The following PPFIA2 variants were observed in gnomAD, a reference collection of about 807,000 sequenced individuals.
The protein encoded by PPFIA2 is liprin-alpha-2.
In PPFIA2, 46 loss-of-function variants were observed where a neutral mutation model predicts 175.5. The observed-to-expected ratio is 0.26, with a 90% CI of 0.21 to 0.34. The LOEUF (loss-of-function observed/expected upper bound fraction) is 0.34, where lower values mean the gene tolerates loss of function less well. PPFIA2 is among the 10% of genes least tolerant of loss of function. The probability of loss-of-function intolerance (pLI) is 1.00; values close to 1 mark genes in which losing one functional copy is unlikely to be tolerated. For missense variants in PPFIA2, 1,179 were observed against 1,506.1 expected, an observed-to-expected ratio of 0.78 and a Z score of 3.60; for synonymous variants, 568 against 511.4, an observed-to-expected ratio of 1.11 and a Z score of -1.49.
At chr12:81,463,690 A>G (rs2146011846) in intron 4 of PPFIA2, among the ~76,000 whole-genome samples, 1 of 152,158 alleles carries the variant, frequency 6.6e-6, no homozygotes, top group Non-Finnish European at 1.5e-5. Context: ...GATGACAAGC[A>G]AAGAAGCAAG....
intron 19 of PPFIA2, among the ~76,000 whole-genome samples, chr12:81,343,468 T>C (rs933099755): frequency 2.0e-5 from 3 of 151,960 alleles, no homozygotes; most frequent in African/African-American, 7.3e-5. Flanking sequence ...CCCAGGAAAA[T>C]AAAATGGTAA....
In PPFIA2 at chr12:81,381,955, G is replaced by C. The variant is rs1471008125; in HGVS notation, c.984+2068C>G. ...TCAATAGCTGCGCAGGTTCTCTGAA[G>C]ACAGCAGTGAACAAAACAAGAAAAA... On this transcript the variant is annotated intron_variant, in intron 9 of 32. Coordinates refer to ENST00000549396, the MANE Select transcript of PPFIA2 (RefSeq NM_003625.5). Among the ~76,000 whole-genome samples, 4 of 151,988 alleles carry C rather than the reference G, an allele frequency of 2.6e-5. No individual in the cohort carries two copies. The East Asian group carries it at 7.7e-4, about 29-fold the overall frequency.
rs369840367 is a variant in PPFIA2 at position 81,559,552 on chromosome 12, T to G, written c.304-101686A>C. On this transcript the variant is annotated intron_variant, in intron 4 of 32. Transcript: ENST00000549396. ...ATCTAATGAGATTTTATAAGCACAT[T>G]AAAAATTATACCCTTATAATTATAA... Among the ~76,000 whole-genome samples the G allele has an allele frequency of 5.8e-4, 89 of 152,284 alleles. 2 individuals are homozygous for G. The South Asian group carries it at 0.018, about 31-fold the overall frequency.
At chr12:81,428,597 T>A (rs1304977974) in intron 7 of PPFIA2, among the ~76,000 whole-genome samples, 3 of 152,016 alleles carry the variant, frequency 2.0e-5, no homozygotes, top group African/African-American at 7.2e-5. Flanking sequence ...TAATACAATA[T>A]CATCATAAAG....
chr12:81,493,220 G>A (rs143524595), intron 4 of PPFIA2, among the ~76,000 whole-genome samples: 2,359 of 152,164 alleles, frequency 0.016, 50 homozygotes, highest in East Asian at 0.044. Flanking sequence ...AAGGGTCCAA[G>A]TTGGAGACGC....
intron 3 of PPFIA2, among the ~76,000 whole-genome samples, chr12:81,707,156 C>A (rs960755943): frequency 9.9e-5 from 15 of 152,054 alleles, no homozygotes; most frequent in African/African-American, 3.1e-4. Flanking sequence ...GCAACAAAAG[C>A]CAAAATTGAC....
chr12:81,743,482 C>T (rs1185221360), intron 3 of PPFIA2, among the ~76,000 whole-genome samples: 1 of 106,030 alleles, frequency 9.4e-6, no homozygotes, highest in Non-Finnish European at 1.9e-5. Flanking sequence ...GGTGGGGTGG[C>T]ATCTTGGTAG....
In PPFIA2 at chr12:81,262,060, C is replaced by T. The variant is rs1222401263; in HGVS notation, c.3716-20G>A. 4 of 1,513,042 alleles carry T rather than the reference C, an allele frequency of 2.6e-6. No homozygotes were observed. Among genetic ancestry groups the T allele is most frequent in the Admixed American group, 3.5e-5 (2 of 57,490 alleles). 93.7% of individuals were successfully genotyped at this position (1,513,042 alleles called of 1,614,324 possible). ...AAGCAACTGCAAATGGAGAAAAGGG[C>T]TTTAGAGGGACTTGGATGATTGAGT... is the stretch of plus-strand genomic sequence containing the variant. On this transcript the variant is annotated intron_variant, in intron 31 of 32. Coordinates refer to ENST00000549396, the MANE Select transcript of PPFIA2 (RefSeq NM_003625.5).
intron 24 of PPFIA2, among the ~76,000 whole-genome samples, chr12:81,285,970 T>C (rs1275061466): frequency 2.6e-5 from 4 of 152,010 alleles, no homozygotes; most frequent in Non-Finnish European, 4.4e-5. Flanking sequence ...CCCCAATGAC[T>C]TTTCAGTGGA....
rs183962632 is a variant in PPFIA2 at position 81,555,382 on chromosome 12, T to C, written c.304-97516A>G. Reference sequence around the variant, plus strand: ...ATATAGCATAAGATATAATAATGTGTATAAAACGTCTTCACTGATACTCTT... The same window carrying C: ...ATATAGCATAAGATATAATAATGTGCATAAAACGTCTTCACTGATACTCTT... On this transcript the variant is annotated intron_variant, in intron 4 of 32. Transcript: ENST00000549396. Among the ~76,000 whole-genome samples, 109 of 152,132 alleles carry C rather than the reference T, an allele frequency of 7.2e-4. 1 individual carries two copies. The highest frequency in any genetic ancestry group is 2.6e-3 in the African/African-American group (108 of 41,564).
intron 7 of PPFIA2, among the ~76,000 whole-genome samples, chr12:81,421,338 A>G (rs1042625040): frequency 6.6e-6 from 1 of 152,092 alleles, no homozygotes; most frequent in African/African-American, 2.4e-5. Context: ...GAGATACAAA[A>G]TTGTTAATGG....
intron 4 of PPFIA2, among the ~76,000 whole-genome samples, chr12:81,534,352 A>G (rs2065074450): frequency 6.6e-6 from 1 of 151,722 alleles, no homozygotes. Context: ...CGTTCCCACC[A>G]CATAAAATTG....
chr12:81,680,575 C>T (rs1367872063), intron 3 of PPFIA2, among the ~76,000 whole-genome samples: 1 of 151,882 alleles, frequency 6.6e-6, no homozygotes, highest in African/African-American at 2.4e-5. Context: ...TCCCGTGACT[C>T]TCCCAGAACA....
At chr12:81,470,482 G>A (rs2056530916) in intron 4 of PPFIA2, among the ~76,000 whole-genome samples, 1 of 152,170 alleles carries the variant, frequency 6.6e-6, no homozygotes, top group African/African-American at 2.4e-5. Context: ...GTGTAATATG[G>A]TGCAGCCACT....
intron 5 of PPFIA2, among the ~76,000 whole-genome samples, chr12:81,454,911 C>T (rs1048059253): frequency 1.4e-4 from 21 of 152,128 alleles, no homozygotes; most frequent in African/African-American, 3.6e-4. Flanking sequence ...TGCAGTGACA[C>T]GATCTCTGCT....
At chr12:81,751,570 CAG>C (rs1281634137) in intron 3 of PPFIA2, among the ~76,000 whole-genome samples, 97 of 145,364 alleles carry the variant, frequency 6.7e-4, no homozygotes, top group Middle Eastern at 3.5e-3. Context: ...CACACATATA[CAG>C]AGAGAGAGAG....
chr12:81,613,522 C>T (rs969619908), intron 4 of PPFIA2, among the ~76,000 whole-genome samples: 2 of 152,076 alleles, frequency 1.3e-5, no homozygotes, highest in East Asian at 3.8e-4. Flanking sequence ...TTTAAATTAT[C>T]CACTTTATTT....
rs115875508 is a variant in PPFIA2, at chr12:81,610,189, C to T, written c.303+66602G>A. 1.5e-3 allele frequency among the ~76,000 whole-genome samples: 229 copies of T among 152,088 alleles called. 2 individuals carry two copies. Among genetic ancestry groups the T allele is most frequent in the African/African-American group, 5.3e-3 (221 of 41,516 alleles). On this transcript the variant is annotated intron_variant, in intron 4 of 32. Transcript: ENST00000549396. ...CTGACTTGACCTTTATCTCTAGCTG[C>T]CTTTAAGATTTTTTTGTTAAAAAAA... is the stretch of plus-strand genomic sequence containing the variant.
chr12:81,338,445 G>A (rs1013834452), intron 21 of PPFIA2, among the ~76,000 whole-genome samples: 1 of 151,904 alleles, frequency 6.6e-6, no homozygotes, highest in Non-Finnish European at 1.5e-5. Context: ...ACATATTTAA[G>A]TAGTACCATT....
Sources: allele counts gnomAD v4.1 joint callset (sites outside exome capture counted in the v4.1 genomes callset), GRCh38; gene constraint gnomAD v4.1.1; transcripts MANE v1.5; gene names NCBI Gene and HGNC (gene_info 2026-07-23, HGNC 2026-07-21).